The following NFIC variants were observed in gnomAD, a reference collection of about 807,000 sequenced individuals.
The protein encoded by NFIC is nuclear factor 1 C-type.
Under a neutral mutation model 54.4 loss-of-function variants are expected in NFIC, and 12 were observed. The ratio of observed to expected loss-of-function variants is 0.22; its 90% CI spans 0.14 to 0.36. NFIC has a LOEUF of 0.36. NFIC is among the 10% of genes least tolerant of loss of function. The pLI is 1.00. For synonymous variants in NFIC, 322 were observed against 319.2 expected (o/e 1.01, Z -0.09); for missense variants, 575 against 718.2 (o/e 0.80, Z 2.28).
chr19:3,438,721 G>A (rs1194581957), intron 6 of NFIC, among the ~76,000 whole-genome samples: 1 of 152,120 alleles, frequency 6.6e-6, no homozygotes, highest in East Asian at 1.9e-4. Flanking sequence ...ACAGGCGTGA[G>A]CCACCGCACC....
Position 3,467,869 on chromosome 19 carries a change from C to T in NFIC, c.*5100C>T, listed in dbSNP as rs1035840783. 2.7e-5 allele frequency: 4 copies of T among 149,074 alleles called. No homozygotes were observed. Among genetic ancestry groups the T allele is most frequent in the Non-Finnish European group, 5.9e-5 (4 of 67,584 alleles). 9.2% of individuals were successfully genotyped at this position (149,074 alleles called of 1,614,324 possible). On this transcript the variant is annotated 3_prime_UTR_variant, in exon 11 of 11. Coordinates refer to ENST00000443272, the MANE Select transcript of NFIC (RefSeq NM_001245002.2). ...GGTCTGGATTCTCTCTCTGAGACCC[C>T]GGATTTTACTTTCTCTTTGGAGGGC...
chr19:3,413,110 G>A (rs1303399917), intron 2 of NFIC, among the ~76,000 whole-genome samples: 1 of 152,088 alleles, frequency 6.6e-6, no homozygotes, highest in Non-Finnish European at 1.5e-5. Flanking sequence ...CACCACACCC[G>A]GCTAATTTTT....
chr19:3,451,051 A>G (rs913878090), intron 7 of NFIC, among the ~76,000 whole-genome samples: 2 of 152,182 alleles, frequency 1.3e-5, no homozygotes, highest in Non-Finnish European at 2.9e-5. Context: ...TGACTGCTAT[A>G]AATAGTGAAA....
At chr19:3,360,316 C>T (rs955868963) in intron 1 of NFIC, among the ~76,000 whole-genome samples, 1 of 148,084 alleles carries the variant, frequency 6.8e-6, no homozygotes, top group African/African-American at 2.4e-5. Flanking sequence ...CCTCGCACCG[C>T]CCCCGCCCCG....
intron 1 of NFIC, among the ~76,000 whole-genome samples, chr19:3,372,276 C>T (rs543075234): frequency 2.6e-5 from 4 of 152,268 alleles, no homozygotes; most frequent in Admixed American, 6.5e-5. Flanking sequence ...CTGCCTCGGC[C>T]TCCCAAAGTG....
rs2081417538 is a variant in NFIC, at chr19:3,393,995, T to C, written c.562+11752T>C. ...TCTCGCTCTGTCGCCCAGGCTGGAGTGCAGCGGTGCAATCTCGGCTCACTG... is the reference window on the plus strand; with the variant it reads ...TCTCGCTCTGTCGCCCAGGCTGGAGCGCAGCGGTGCAATCTCGGCTCACTG... On this transcript the variant is annotated intron_variant, in intron 2 of 10. Coordinates refer to ENST00000443272, the MANE Select transcript of NFIC (RefSeq NM_001245002.2). 1.3e-5 allele frequency among the ~76,000 whole-genome samples: 2 copies of C among 151,288 alleles called. 1 individual carries two copies. Among genetic ancestry groups the C allele is most frequent in the South Asian group, 4.2e-4 (2 of 4,742 alleles).
At chr19:3,414,724 C>T (rs904282434) in intron 2 of NFIC, among the ~76,000 whole-genome samples, 1 of 152,042 alleles carries the variant, frequency 6.6e-6, no homozygotes, top group Non-Finnish European at 1.5e-5. Flanking sequence ...TGTCAGAACC[C>T]ACGAACTGAT....
chr19:3,415,406 C>A (rs1212512749), intron 2 of NFIC, among the ~76,000 whole-genome samples: 1 of 150,644 alleles, frequency 6.6e-6, no homozygotes, highest in Admixed American at 6.6e-5. Context: ...CAGGTGTGAG[C>A]TCTACTGCGC....
chr19:3,369,377 CCT>C lies in NFIC; in HGVS notation c.30+2720_30+2721del, dbSNP rs935929494. The stretch of plus-strand genomic sequence containing the variant: ...CTATCTCTGCATGTGTCTCCTTACT[CCT>C]CTCTCTCTGTCTCTCTCTGTCTCTG... On this transcript the variant is annotated intron_variant, in intron 1 of 10. Transcript: ENST00000443272. This position sits in a 1 kb window ranked among gnomAD's most constrained non-coding sequence, Gnocchi z 4.3. Among the ~76,000 whole-genome samples, 1 of 152,040 alleles carries C rather than the reference CCT, an allele frequency of 6.6e-6. No individual in the cohort carries two copies. Among genetic ancestry groups the C allele is most frequent in the Non-Finnish European group, 1.5e-5 (1 of 67,986 alleles).
At chr19:3,429,958 C>A (rs2082095896) in intron 3 of NFIC, among the ~76,000 whole-genome samples, 1 of 152,152 alleles carries the variant, frequency 6.6e-6, no homozygotes, top group African/African-American at 2.4e-5. Flanking sequence ...CAGATTTTAA[C>A]AAGTTCCTTC....
At chr19:3,381,153 G>A (rs2081199775) in intron 1 of NFIC, among the ~76,000 whole-genome samples, 1 of 152,078 alleles carries the variant, frequency 6.6e-6, no homozygotes, top group South Asian at 2.1e-4. Flanking sequence ...CACTTGGGGA[G>A]GCCGAGAGCC....
chr19:3,367,297 C>A (rs1447875242), intron 1 of NFIC, among the ~76,000 whole-genome samples: 3 of 152,074 alleles, frequency 2.0e-5, no homozygotes, highest in African/African-American at 7.2e-5. Flanking sequence ...CCGGCTGGGT[C>A]CCCCCTCCTT....
At position 3,382,002 on chromosome 19, in the gene NFIC, C is replaced by T. The variant is rs756353222; in HGVS notation, c.321C>T (p.Ser107=). 1 of 1,613,566 alleles carries T rather than the reference C, an allele frequency of 6.2e-7. No homozygotes were observed. The highest frequency in any genetic ancestry group is 1.3e-5 in the African/African-American group (1 of 75,078). The change falls in exon 2 of 11, where the codon TCC becomes TCT. Residue 107 remains serine, a synonymous_variant. Transcript: ENST00000443272. ...AGAAGGCGCCGGGCTGCGTGCTCTCCAACCCCGACCAGAAGGGCAAGATGC... is the reference window on the plus strand; with the variant it reads ...AGAAGGCGCCGGGCTGCGTGCTCTCTAACCCCGACCAGAAGGGCAAGATGC... ...TGKKAPGCVL[S]NPDQKGKMRR...
At chr19:3,402,360 T>A (rs2081572525) in intron 2 of NFIC, among the ~76,000 whole-genome samples, 1 of 152,232 alleles carries the variant, frequency 6.6e-6, no homozygotes, top group South Asian at 2.1e-4. Flanking sequence ...GGTCCTTCCT[T>A]TTCATGCCTC....
intron 6 of NFIC, among the ~76,000 whole-genome samples, chr19:3,446,808 G>C (rs1016958387): frequency 1.3e-5 from 2 of 152,002 alleles, no homozygotes; most frequent in Non-Finnish European, 2.9e-5. Context: ...AAGGCAAGAG[G>C]ATCCCTTGAG....
chr19:3,398,903 G>T (rs116183996), intron 2 of NFIC, among the ~76,000 whole-genome samples: 1 of 152,226 alleles, frequency 6.6e-6, no homozygotes, highest in Admixed American at 6.5e-5. Flanking sequence ...GGCGAGCTGC[G>T]GACTCCGCCC....
At chr19:3,393,232 C>T (rs1270481455) in intron 2 of NFIC, among the ~76,000 whole-genome samples, 1 of 152,152 alleles carries the variant, frequency 6.6e-6, no homozygotes, top group Non-Finnish European at 1.5e-5. Flanking sequence ...GACTAAGTCC[C>T]ATCTTTAGGT....
chr19:3,419,681 C>A (rs191577333), intron 2 of NFIC, among the ~76,000 whole-genome samples: 1 of 151,814 alleles, frequency 6.6e-6, no homozygotes, highest in Non-Finnish European at 1.5e-5. Flanking sequence ...CACCTGTAAT[C>A]TCAGCTACTT....
At chr19:3,454,001 G>C in intron 9 of NFIC, 85 bp downstream of exon 9, 2 of 1,421,332 alleles carry the variant, frequency 1.4e-6, no homozygotes, top group Non-Finnish European at 1.8e-6. Context: ...CCAGGTCAGA[G>C]GTCAGGCCCG....
Sources: allele counts gnomAD v4.1 joint callset (sites outside exome capture counted in the v4.1 genomes callset), GRCh38; gene constraint gnomAD v4.1.1; non-coding constraint Gnocchi (gnomAD v3.1); transcripts MANE v1.5; gene names NCBI Gene and HGNC (gene_info 2026-07-23, HGNC 2026-07-21).